LPA: variants seen among roughly 807,000 people sequenced by gnomAD.
The protein encoded by LPA is lipoprotein(a), also known as apolipoprotein(a).
LPA carries 199 observed loss-of-function variants against 197.9 expected under a neutral mutation model. The ratio of observed to expected loss-of-function variants is 1.01; its 90% CI spans 0.90 to 1.13. The LOEUF (loss-of-function observed/expected upper bound fraction) is 1.13, where lower values mean the gene tolerates loss of function less well. LPA is among the 50% of genes most tolerant of loss of function. The pLI is 0.00. For missense variants in LPA, 1,853 were observed against 1,785.8 expected, an observed-to-expected ratio of 1.04 and a Z score of -0.68; for synonymous variants, 715 against 639.5, an observed-to-expected ratio of 1.12 and a Z score of -1.78.
chr6:160,542,577 CAGAG>C lies in LPA; in HGVS notation c.5519+107_5519+110del, dbSNP rs1410716285. ...CTATATTTTTTCCTCCTTCAGAAAACAGAGAGGCAGGTATTGATGCATCAGCTGT... is the reference window on the plus strand; with the variant it reads ...CTATATTTTTTCCTCCTTCAGAAAACAGGCAGGTATTGATGCATCAGCTGT... On this transcript the variant is annotated intron_variant, in intron 34 of 38. Coordinates refer to ENST00000316300, the MANE Select transcript of LPA (RefSeq NM_005577.4). 5.4e-6 allele frequency: 8 copies of C among 1,491,658 alleles called. No individual in the cohort carries two copies. In the African/African-American group the frequency reaches 9.9e-5, roughly 18 times the overall value. The allele number at this position is 1,491,658 out of a possible 1,614,324, so 92.4% of individuals were successfully genotyped here.
chr6:160,542,262 T>TA (rs891392992), intron 34 of LPA, among the ~76,000 whole-genome samples: 5 of 151,774 alleles, frequency 3.3e-5, no homozygotes, highest in African/African-American at 7.3e-5. Flanking sequence ...CACAAAAGTG[T>TA]AAAAAAAAAT....
chr6:160,582,278 C>A (rs781501469), intron 26 of LPA, among the ~76,000 whole-genome samples: 8 of 151,326 alleles, frequency 5.3e-5, no homozygotes, highest in Non-Finnish European at 1.0e-4. Context: ...TCTTACTACT[C>A]TAAAGGTGTT....
chr6:160,591,606 T>G (rs1779031324), intron 22 of LPA, among the ~76,000 whole-genome samples: 1 of 152,232 alleles, frequency 6.6e-6, no homozygotes, highest in Non-Finnish European at 1.5e-5. Flanking sequence ...ACAGTTTTTC[T>G]TGATATCTTC....
intron 35 of LPA, 54 bp downstream of exon 35, chr6:160,541,053 G>A: frequency 2.1e-6 from 3 of 1,433,974 alleles, no homozygotes; most frequent in Admixed American, 1.7e-5. Flanking sequence ...AGGAAGAGAG[G>A]GAGGAAAAAA....
intron 25 of LPA, among the ~76,000 whole-genome samples, chr6:160,586,122 G>A: frequency 6.6e-6 from 1 of 152,204 alleles, no homozygotes; most frequent in East Asian, 1.9e-4. Context: ...AGGCTTAGGA[G>A]CTTGGTATAT....
chr6:160,647,090 A>G (rs555937755), intron 2 of LPA, among the ~76,000 whole-genome samples: 2 of 152,230 alleles, frequency 1.3e-5, no homozygotes, highest in Non-Finnish European at 2.9e-5. Context: ...CAGTATCTCT[A>G]GAATGGGTTC....
At chr6:160,595,596 G>T (rs545069778) in intron 20 of LPA, 61 bp from the exon 21 acceptor site, 2 of 1,611,186 alleles carry the variant, frequency 1.2e-6, no homozygotes, top group African/African-American at 1.3e-5. Flanking sequence ...GGCACTTAGC[G>T]CCCTCTACAT....
chr6:160,604,280 C>T (rs900900819), intron 18 of LPA, among the ~76,000 whole-genome samples: 1 of 152,286 alleles, frequency 6.6e-6, no homozygotes, highest in African/African-American at 2.4e-5. Context: ...GAAGGGCCTC[C>T]AGGAAGAAAG....
chr6:160,654,000 A>AT (rs1460528157), intron 1 of LPA, among the ~76,000 whole-genome samples: 5 of 20,374 alleles, frequency 2.5e-4, no homozygotes, highest in African/African-American at 1.3e-3. Context: ...TATATATTAT[A>AT]TATAATATAT....
chr6:160,594,177 G>A, intron 21 of LPA, 60 bp from the exon 22 acceptor site: 1 of 1,596,782 alleles, frequency 6.3e-7, no homozygotes, highest in Admixed American at 1.7e-5. Context: ...AGCATCAGAA[G>A]AAATCTGTGA....
At chr6:160,597,105 C>T (rs1246969908) in intron 20 of LPA, among the ~76,000 whole-genome samples, 1 of 152,164 alleles carries the variant, frequency 6.6e-6, no homozygotes, top group African/African-American at 2.4e-5. Context: ...GTGTAGAGTA[C>T]ACCTCAGTGA....
intron 1 of LPA, among the ~76,000 whole-genome samples, chr6:160,652,190 T>C (rs1780019602): frequency 6.7e-6 from 1 of 149,084 alleles, no homozygotes; most frequent in South Asian, 2.1e-4. Context: ...AAATCAACAA[T>C]CTGCAAATCC....
chr6:160,603,028 T>C (rs1466484973), intron 18 of LPA, among the ~76,000 whole-genome samples: 2 of 149,938 alleles, frequency 1.3e-5, no homozygotes, highest in Non-Finnish European at 3.0e-5. Context: ...ATTCCCTGTC[T>C]GATTCATTCA....
At chr6:160,550,007 G>A (rs937344655) in intron 30 of LPA, among the ~76,000 whole-genome samples, 1 of 152,218 alleles carries the variant, frequency 6.6e-6, no homozygotes, top group Non-Finnish European at 1.5e-5. Flanking sequence ...TGGATCACGA[G>A]GTCAACAGAG....
chr6:160,599,692 A>G, intron 19 of LPA, 33 bp from the exon 20 acceptor site: 1 of 1,613,248 alleles, frequency 6.2e-7, no homozygotes, highest in Non-Finnish European at 8.5e-7. Context: ...CAAGCTTATT[A>G]TTTCCTAGAA....
chr6:160,586,183 A>C (rs1778906314), intron 25 of LPA, among the ~76,000 whole-genome samples: 1 of 152,072 alleles, frequency 6.6e-6, no homozygotes, highest in Non-Finnish European at 1.5e-5. Flanking sequence ...TAGGACACTA[A>C]TATGATTCGT....
intron 2 of LPA, among the ~76,000 whole-genome samples, chr6:160,647,473 C>G (rs998939367): frequency 2.6e-5 from 4 of 152,196 alleles, no homozygotes; most frequent in African/African-American, 9.7e-5. Flanking sequence ...GTGGCCTAGT[C>G]TCAGTCCCAG....
chr6:160,549,764 T>C (rs574273247), intron 30 of LPA, among the ~76,000 whole-genome samples: 2 of 152,288 alleles, frequency 1.3e-5, no homozygotes, highest in Admixed American at 1.3e-4. Context: ...CCTCCTCTCC[T>C]ACTCTCAGTC....
At chr6:160,534,739 CA>C (rs1186308815) in intron 37 of LPA, among the ~76,000 whole-genome samples, 8 of 152,084 alleles carry the variant, frequency 5.3e-5, no homozygotes, top group African/African-American at 9.7e-5. Context: ...ATCCTTTTCT[CA>C]GTGGACATGT....
Sources: gnomAD v4.1 joint callset for allele counts (sites outside exome capture counted in the v4.1 genomes callset) on GRCh38, gnomAD v4.1.1 for gene constraint, MANE v1.5 for transcripts, NCBI Gene and HGNC (gene_info 2026-07-23, HGNC 2026-07-21) for gene names.